TYW1B: variants seen among roughly 807,000 people sequenced by gnomAD.
TYW1B encodes the protein S-adenosyl-L-methionine-dependent tRNA 4-demethylwyosine synthase TYW1B.
Under a neutral mutation model 86.9 loss-of-function variants are expected in TYW1B, and 73 were observed. That is an observed-to-expected ratio of 0.84 (90% CI 0.70 to 1.02). TYW1B has a LOEUF of 1.02. Among genes scored for constraint, TYW1B ranks in the 50% least tolerant of loss-of-function variants. The probability of loss-of-function intolerance (pLI) is 0.00; values close to 1 mark genes in which losing one functional copy is unlikely to be tolerated. For synonymous variants in TYW1B, 248 were observed against 292.8 expected, an observed-to-expected ratio of 0.85 and a Z score of 1.56; for missense variants, 637 against 827.4, an observed-to-expected ratio of 0.77 and a Z score of 2.82.
intron 7 of TYW1B, among the ~76,000 whole-genome samples, chr7:72,773,447 T>C (rs1212069114): frequency 2.0e-5 from 3 of 152,146 alleles, no homozygotes; most frequent in African/African-American, 7.2e-5. Flanking sequence ...TCCCATTACC[T>C]CAGCTTACTG....
chr7:72,619,647 C>CAAAAAA (rs34309451), intron 12 of TYW1B, among the ~76,000 whole-genome samples: 2 of 68,760 alleles, frequency 2.9e-5, no homozygotes, highest in Admixed American at 1.5e-4. Context: ...GACTCCGTCT[C>CAAAAAA]AAAAAAAAAA....
chr7:72,606,381 G>A (rs546200246), intron 13 of TYW1B, among the ~76,000 whole-genome samples: 1 of 152,198 alleles, frequency 6.6e-6, no homozygotes, highest in Admixed American at 6.5e-5. Context: ...TGGTTATAAC[G>A]AGGCACCCCT....
chr7:72,657,512 T>C (rs541943179), intron 11 of TYW1B, among the ~76,000 whole-genome samples: 3 of 152,266 alleles, frequency 2.0e-5, no homozygotes, highest in Non-Finnish European at 4.4e-5. Context: ...GATCCCCACA[T>C]ATATTCAATC....
rs537711135 is a variant in TYW1B, at chr7:72,714,329, T to G, written c.1193-531A>C. On this transcript the variant is annotated intron_variant, in intron 9 of 13. Transcript: ENST00000620995. ...CACCTGAGGAGCTTCAAAAAATACT[T>G]CTACAGGCCAGGCGCAGTAGCTCAC... 1.3e-4 allele frequency among the ~76,000 whole-genome samples: 20 copies of G among 152,130 alleles called. No individual in the cohort carries two copies. The East Asian group carries it at 3.9e-3, about 29-fold the overall frequency.
intron 11 of TYW1B, among the ~76,000 whole-genome samples, chr7:72,633,095 G>A (rs1262140331): frequency 1.4e-4 from 22 of 152,202 alleles, no homozygotes; most frequent in African/African-American, 5.3e-4. Context: ...TCCCACCAGG[G>A]CCATGACAGT....
intron 10 of TYW1B, among the ~76,000 whole-genome samples, chr7:72,713,258 G>A (rs1294207660): frequency 1.2e-4 from 15 of 125,886 alleles, no homozygotes; most frequent in Non-Finnish European, 2.2e-4. Flanking sequence ...CCATGATCAC[G>A]CCACTGCACT....
At chr7:72,651,044 C>A (rs1554442707) in intron 11 of TYW1B, among the ~76,000 whole-genome samples, 1 of 152,002 alleles carries the variant, frequency 6.6e-6, no homozygotes, top group Non-Finnish European at 1.5e-5. Context: ...TGGAAAAAAA[C>A]AATTTTGAAG....
chr7:72,616,873 C>A (rs1812090607), intron 12 of TYW1B, 34 bp from the exon 13 acceptor site: 2 of 1,608,418 alleles, frequency 1.2e-6, no homozygotes, highest in African/African-American at 2.7e-5. Flanking sequence ...GAGATGACTA[C>A]AGACCTACCT....
At chr7:72,816,440 A>C (rs13307678) in intron 2 of TYW1B, among the ~76,000 whole-genome samples, 21,194 of 152,068 alleles carry the variant, frequency 0.14, 2,801 homozygotes, top group East Asian at 0.33. Flanking sequence ...TGAAAAGAAG[A>C]CGGTTGACAG....
rs1218840742 is a variant in TYW1B, at chr7:72,783,484, A to G, written c.847-5951T>C. Reference sequence around the variant, plus strand: ...AATAAAAATCATATCACTGAAAAGGAGTCACGGTAAAAAAATTAAGTAAAT... The same window carrying G: ...AATAAAAATCATATCACTGAAAAGGGGTCACGGTAAAAAAATTAAGTAAAT... On this transcript the variant is annotated intron_variant, in intron 6 of 13. Coordinates refer to ENST00000620995, the MANE Select transcript of TYW1B (RefSeq NM_001145440.3). 1.4e-4 allele frequency among the ~76,000 whole-genome samples: 21 copies of G among 152,120 alleles called. No individual in the cohort carries two copies. In the East Asian group the frequency reaches 3.9e-3, roughly 28 times the overall value.
intron 8 of TYW1B, among the ~76,000 whole-genome samples, chr7:72,740,347 C>T (rs1161372672): frequency 6.6e-6 from 1 of 151,530 alleles, no homozygotes; most frequent in Non-Finnish European, 1.5e-5. Context: ...TTGCAGTGGG[C>T]CAAGATTCCA....
chr7:72,606,271 A>G (rs1199705069), intron 13 of TYW1B, among the ~76,000 whole-genome samples: 1 of 152,128 alleles, frequency 6.6e-6, no homozygotes, highest in East Asian at 1.9e-4. Context: ...GAAGACAGAA[A>G]ACTTTTAGAC....
intron 11 of TYW1B, among the ~76,000 whole-genome samples, chr7:72,642,169 TTC>T: frequency 6.6e-6 from 1 of 152,292 alleles, no homozygotes; most frequent in East Asian, 1.9e-4. Context: ...CAACTAGTTA[TTC>T]ACAGGCAAAT....
intron 10 of TYW1B, among the ~76,000 whole-genome samples, chr7:72,705,082 A>T (rs1814581095): frequency 6.6e-6 from 1 of 152,210 alleles, no homozygotes; most frequent in African/African-American, 2.4e-5. Context: ...CTATTGAAAG[A>T]CTCAGGCAGT....
intron 6 of TYW1B, among the ~76,000 whole-genome samples, chr7:72,795,021 T>C (rs1437459303): frequency 6.6e-6 from 1 of 151,940 alleles, no homozygotes; most frequent in Non-Finnish European, 1.5e-5. Context: ...GGTTTTGCCA[T>C]GTTGCCCAGG....
At chr7:72,593,223 G>A (rs1811439873) in intron 13 of TYW1B, among the ~76,000 whole-genome samples, 1 of 151,562 alleles carries the variant, frequency 6.6e-6, no homozygotes. Flanking sequence ...AACCTGGGAG[G>A]TGGAGGTTGT....
At chr7:72,621,538 C>T (rs781891567) in intron 12 of TYW1B, among the ~76,000 whole-genome samples, 19 of 152,304 alleles carry the variant, frequency 1.2e-4, no homozygotes, top group Middle Eastern at 3.4e-3. Context: ...CTGGCTAAAC[C>T]GACCCATCAT....
chr7:72,576,018 G>A (rs1325897460), intron 13 of TYW1B, among the ~76,000 whole-genome samples: 3 of 152,172 alleles, frequency 2.0e-5, no homozygotes, highest in Non-Finnish European at 4.4e-5. Flanking sequence ...ATGTTTCCGT[G>A]TTACCATGTG....
At chr7:72,602,718 C>T (rs1343575339) in intron 13 of TYW1B, among the ~76,000 whole-genome samples, 7 of 152,106 alleles carry the variant, frequency 4.6e-5, no homozygotes, top group Admixed American at 6.6e-5. Context: ...GAATTTGTAT[C>T]GCTTTCACAC....
Sources: allele counts gnomAD v4.1 joint callset (sites outside exome capture counted in the v4.1 genomes callset), GRCh38; gene constraint gnomAD v4.1.1; transcripts MANE v1.5; gene names NCBI Gene and HGNC (gene_info 2026-07-23, HGNC 2026-07-21).